Variants in BSDC1 observed in about 807,000 individuals in gnomAD.
BSDC1 encodes the protein BSD domain containing 1, also known as BSD domain-containing protein 1.
In BSDC1, 29 loss-of-function variants were observed where a neutral mutation model predicts 56.0. That is an observed-to-expected ratio of 0.52 (90% CI 0.39 to 0.71). The LOEUF is 0.71. Among genes scored for constraint, BSDC1 ranks in the 30% least tolerant of loss-of-function variants. BSDC1 has a pLI of 0.00. For missense variants in BSDC1, 477 were observed against 548.5 expected (o/e 0.87, Z 1.30); for synonymous variants, 210 against 215.3 (o/e 0.98, Z 0.21).
chr1:32,383,399 TTG>T (rs543775568), intron 4 of BSDC1, among the ~76,000 whole-genome samples: 367 of 151,666 alleles, frequency 2.4e-3, no homozygotes, highest in Non-Finnish European at 4.5e-3. Flanking sequence ...TGAGCCATGA[TTG>T]TGCCACTGAG....
In BSDC1 at chr1:32,368,564, CCA is replaced by C. The variant is rs1641942280; in HGVS notation, c.1157-16_1157-15del. On this transcript the variant is annotated splice_polypyrimidine_tract_variant and intron_variant, in intron 9 of 10. Coordinates refer to ENST00000455895, the MANE Select transcript of BSDC1 (RefSeq NM_018045.8). ...CCGTGCTTGAGCCTGGAACCACGAG[CCA>C]CAGTGTGAAAAGCAGGAGGAGGCAG... is the stretch of plus-strand genomic sequence containing the variant. 1.9e-6 allele frequency: 3 copies of C among 1,613,988 alleles called. No individual in the cohort carries two copies. The highest frequency in any genetic ancestry group is 1.7e-5 in the Admixed American group (1 of 60,012).
At chr1:32,367,051 C>A (rs529505341) in intron 10 of BSDC1, 9 of 1,003,798 alleles carry the variant, frequency 9.0e-6, no homozygotes, top group African/African-American at 6.9e-5. Flanking sequence ...GCCCTGGACA[C>A]AAAAGACCAG....
At chr1:32,381,169 GTCTA>G in intron 5 of BSDC1, 41 bp downstream of exon 5, 1 of 1,604,702 alleles carries the variant, frequency 6.2e-7, no homozygotes, top group Non-Finnish European at 8.5e-7. Flanking sequence ...AGCCCCCTTA[GTCTA>G]CTTGCCCTAC....
chr1:32,380,802 T>A (rs958943829), intron 5 of BSDC1, among the ~76,000 whole-genome samples: 2 of 152,204 alleles, frequency 1.3e-5, no homozygotes. Flanking sequence ...CTTTATTGAC[T>A]GTTTCTGCTT....
intron 9 of BSDC1, among the ~76,000 whole-genome samples, chr1:32,370,286 TTC>T (rs1429735016): frequency 2.0e-5 from 3 of 152,218 alleles, no homozygotes; most frequent in Admixed American, 6.5e-5. Flanking sequence ...CTCTGGATTG[TTC>T]TTTTTCCCAT....
intron 9 of BSDC1, among the ~76,000 whole-genome samples, chr1:32,374,230 T>G (rs762576639): frequency 6.6e-6 from 1 of 152,218 alleles, no homozygotes; most frequent in Non-Finnish European, 1.5e-5. Flanking sequence ...ACAGAGAAAG[T>G]GCTCAGAGAA....
In BSDC1 at chr1:32,394,418, G is replaced by C. The variant is rs754641821; in HGVS notation, c.-4C>G. On this transcript the variant is annotated 5_prime_UTR_variant, in exon 1 of 11. Coordinates refer to ENST00000455895, the MANE Select transcript of BSDC1 (RefSeq NM_018045.8). ...GACAAGCTCACCCTTCCGCCATCTT[G>C]CCTGCATGACATCACCACTATTTAC... is the stretch of plus-strand genomic sequence containing the variant. The C allele has an allele frequency of 1.9e-6, 3 of 1,614,112 alleles. No homozygotes were observed. The highest frequency in any genetic ancestry group is 1.3e-5 in the African/African-American group (1 of 75,012).
rs542656874 is a variant in BSDC1 at position 32,386,729 on chromosome 1, A to G, written c.189+50T>C. On this transcript the variant is annotated intron_variant, in intron 3 of 10. Coordinates refer to ENST00000455895, the MANE Select transcript of BSDC1 (RefSeq NM_018045.8). ...GGTAGAAAGGTTGGGAGCCCAGGAC[A>G]GGACAGGTTGCGAGGGGCAGTTACT... 31 of 1,424,652 alleles carry G rather than the reference A, an allele frequency of 2.2e-5. 1 individual carries two copies. In the South Asian group the frequency reaches 3.3e-4, roughly 15 times the overall value. The allele number at this position is 1,424,652 out of a possible 1,614,324, so 88.3% of individuals were successfully genotyped here. A position where few individuals can be genotyped will look rare whatever the true frequency, so the allele number is the denominator to read the frequency against.
intron 9 of BSDC1, among the ~76,000 whole-genome samples, chr1:32,370,031 G>T (rs185646429): frequency 2.0e-5 from 3 of 152,352 alleles, no homozygotes; most frequent in African/African-American, 7.2e-5. Context: ...AGGCTGGAGT[G>T]CAGTGGCGCG....
Position 32,370,001 on chromosome 1 carries a change from G to A in BSDC1, c.1157-1451C>T, listed in dbSNP as rs928342214. Among the ~76,000 whole-genome samples, 10 of 148,240 alleles carry A rather than the reference G, an allele frequency of 6.7e-5. No homozygotes were observed. The South Asian group carries it at 1.5e-3, about 22-fold the overall frequency. On this transcript the variant is annotated intron_variant, in intron 9 of 10. Transcript: ENST00000455895. ...TACTTATTTATTTATTTTTTGAGACGGAGTCTCGCTCTGTTGCCCAGGCTG... is the reference window on the plus strand; with the variant it reads ...TACTTATTTATTTATTTTTTGAGACAGAGTCTCGCTCTGTTGCCCAGGCTG...
intron 2 of BSDC1, among the ~76,000 whole-genome samples, chr1:32,387,889 G>A (rs1642727916): frequency 6.6e-6 from 1 of 152,178 alleles, no homozygotes; most frequent in South Asian, 2.1e-4. Flanking sequence ...TCAAGAGAAA[G>A]ACTAGATCAG....
intron 10 of BSDC1, chr1:32,368,012 G>C (rs1641913420): frequency 8.7e-7 from 1 of 1,153,426 alleles, no homozygotes; most frequent in South Asian, 2.4e-5. Flanking sequence ...GGCAGGGTTT[G>C]ATGTCTGTTT....
chr1:32,376,035 T>C (rs757361506), intron 9 of BSDC1, among the ~76,000 whole-genome samples: 11 of 152,230 alleles, frequency 7.2e-5, no homozygotes, highest in African/African-American at 1.7e-4. Context: ...ACTTGTTTTG[T>C]TGACTCTTAA....
At chr1:32,366,840 C>A in intron 10 of BSDC1, 186 bp from the exon 11 acceptor site, 1 of 1,331,920 alleles carries the variant, frequency 7.5e-7, no homozygotes, top group South Asian at 2.4e-5. Flanking sequence ...CTGCCCTCTG[C>A]CTGAGGGGTG....
chr1:32,386,150 C>CT (rs1410217575), intron 3 of BSDC1, among the ~76,000 whole-genome samples: 1 of 152,000 alleles, frequency 6.6e-6, no homozygotes, highest in African/African-American at 2.4e-5. Flanking sequence ...CACCCCGTCT[C>CT]TACTAAAAAA....
intron 9 of BSDC1, among the ~76,000 whole-genome samples, chr1:32,373,874 T>C (rs1642184798): frequency 6.6e-6 from 1 of 152,144 alleles, no homozygotes; most frequent in Admixed American, 6.5e-5. Flanking sequence ...TGAACCTAAT[T>C]AGATCCAACT....
rs1311783907 is a variant in BSDC1, at chr1:32,366,109, A to G, written c.*513T>C. On this transcript the variant is annotated 3_prime_UTR_variant, in exon 11 of 11. Transcript: ENST00000455895. ...GTCCCAAGAGAGGCAAATTTCCCAG[A>G]GATAAGTGCCTCTTACCCACTGGGA... The G allele has an allele frequency of 5.8e-6, 1 of 173,190 alleles. No individual in the cohort carries two copies. The highest frequency in any genetic ancestry group is 1.2e-5 in the Non-Finnish European group (1 of 80,344). The allele number at this position is 173,190 out of a possible 1,614,324, so 10.7% of individuals were successfully genotyped here. A position where few individuals can be genotyped will look rare whatever the true frequency, so the allele number is the denominator to read the frequency against.
chr1:32,392,301 G>A (rs969095456), intron 2 of BSDC1, among the ~76,000 whole-genome samples: 2 of 152,156 alleles, frequency 1.3e-5, no homozygotes, highest in Admixed American at 6.6e-5. Flanking sequence ...CTGCACTCCA[G>A]CCTGGTAACA....
At chr1:32,371,459 C>T (rs555847131) in intron 9 of BSDC1, among the ~76,000 whole-genome samples, 8 of 151,702 alleles carry the variant, frequency 5.3e-5, no homozygotes, top group South Asian at 2.1e-4. Flanking sequence ...TACAGGCGCC[C>T]GCCACCACGC....
Sources: allele counts gnomAD v4.1 joint callset (sites outside exome capture counted in the v4.1 genomes callset), GRCh38; gene constraint gnomAD v4.1.1; transcripts MANE v1.5; gene names NCBI Gene and HGNC (gene_info 2026-07-23, HGNC 2026-07-21).